SLC38A4: variants seen among roughly 807,000 people sequenced by gnomAD.
SLC38A4 encodes solute carrier family 38 member 4.
SLC38A4 carries 20 observed loss-of-function variants against 63.1 expected under a neutral mutation model. The observed-to-expected ratio is 0.32, with a 90% confidence interval of 0.22 to 0.46. The LOEUF is 0.46. Ranked by LOEUF, SLC38A4 falls within the 20% of genes least tolerant of loss-of-function variation. The pLI is 1.00. For missense variants in SLC38A4, 526 were observed against 663.6 expected, an observed-to-expected ratio of 0.79 and a Z score of 2.28; for synonymous variants, 230 against 225.5, an observed-to-expected ratio of 1.02 and a Z score of -0.18.
At position 46,778,544 on chromosome 12, in the gene SLC38A4, C is replaced by T; in HGVS notation, c.950G>A (p.Ser317Asn). 4 of 1,612,994 alleles carry T rather than the reference C, an allele frequency of 2.5e-6. No individual in the cohort carries two copies. The highest frequency in any genetic ancestry group is 3.4e-6 in the Non-Finnish European group (4 of 1,179,340). Reference protein sequence around the residue: ...HDSGVEYEAHSDDKCEPKYFV... With the variant: ...HDSGVEYEAHNDDKCEPKYFV... ...GTATTTGGGTTCACACTTGTCATCACTATGAGCTTCATATTCTACTCCACT... is the reference window on the plus strand; with the variant it reads ...GTATTTGGGTTCACACTTGTCATCATTATGAGCTTCATATTCTACTCCACT... Residue 317 changes from serine (S) to asparagine (N), a missense_variant, in exon 11 of 17, where the codon AGT becomes AAT. Transcript: ENST00000266579.
intron 3 of SLC38A4, among the ~76,000 whole-genome samples, chr12:46,791,806 A>T (rs1938894699): frequency 6.6e-6 from 1 of 152,038 alleles, no homozygotes; most frequent in African/African-American, 2.4e-5. Context: ...GGAGTAGAGT[A>T]ATTTGGAAAA....
chr12:46,824,401 G>A (rs779948577), intron 1 of SLC38A4: 5 of 152,058 alleles, frequency 3.3e-5, no homozygotes, highest in Non-Finnish European at 7.4e-5. Flanking sequence ...ACAAACAAAT[G>A]TCATTTTGAA....
intron 2 of SLC38A4, among the ~76,000 whole-genome samples, chr12:46,801,081 C>A (rs1300155980): frequency 2.0e-5 from 3 of 152,104 alleles, no homozygotes; most frequent in African/African-American, 7.2e-5. Flanking sequence ...GATTTTCTAG[C>A]ACAGCAGTGC....
intron 1 of SLC38A4, among the ~76,000 whole-genome samples, chr12:46,831,319 C>A (rs1002299598): frequency 1.3e-5 from 2 of 152,216 alleles, no homozygotes; most frequent in African/African-American, 4.8e-5. Context: ...TCCGGGTTCC[C>A]TCTCCCCCGT....
chr12:46,779,504 A>G (rs1938596105), intron 10 of SLC38A4, 107 bp downstream of exon 10: 1 of 841,212 alleles, frequency 1.2e-6, no homozygotes, highest in African/African-American at 1.7e-5. Flanking sequence ...GTGATACAAG[A>G]ACTATTTCAT....
chr12:46,806,980 T>G (rs1467167800), intron 1 of SLC38A4, among the ~76,000 whole-genome samples: 1 of 151,864 alleles, frequency 6.6e-6, no homozygotes, highest in Non-Finnish European at 1.5e-5. Flanking sequence ...GGGATCAAGT[T>G]AAAATTAGTC....
At chr12:46,823,038 T>C (rs1005857798) in intron 1 of SLC38A4, among the ~76,000 whole-genome samples, 1 of 152,178 alleles carries the variant, frequency 6.6e-6, no homozygotes, top group East Asian at 1.9e-4. Context: ...ATTACTTCCC[T>C]TCAAAGAAAA....
At chr12:46,812,049 T>C (rs1379501309) in intron 1 of SLC38A4, among the ~76,000 whole-genome samples, 1 of 152,012 alleles carries the variant, frequency 6.6e-6, no homozygotes, top group African/African-American at 2.4e-5. Context: ...AATGCTTAAG[T>C]TAATTATATA....
rs1181576169 is a variant in SLC38A4, at chr12:46,766,345, G to A, written c.*356C>T. The A allele has an allele frequency of 2.2e-6, 1 of 458,158 alleles. No individual in the cohort carries two copies. The highest frequency in any genetic ancestry group is 4.4e-6 in the Non-Finnish European group (1 of 228,578). The allele number at this position is 458,158 out of a possible 1,614,324, so 28.4% of individuals were successfully genotyped here. On this transcript the variant is annotated 3_prime_UTR_variant, in exon 17 of 17. Transcript: ENST00000266579. ...ATGCAAATGTTTGGTACTTTTTTAG[G>A]GGGTGCAGGATGAGGAGACGGCAGG...
In SLC38A4 at chr12:46,815,297, A is replaced by G. The variant is rs945250053; in HGVS notation, c.-305+10606T>C. On this transcript the variant is annotated intron_variant, in intron 1 of 16. Transcript: ENST00000266579. Reference sequence around the variant, plus strand: ...TATATATATATATACACACACACACACACACACACACAGAGATTGAGAATA... The same window carrying G: ...TATATATATATATACACACACACACGCACACACACACAGAGATTGAGAATA... Among the ~76,000 whole-genome samples, 13 of 147,912 alleles carry G rather than the reference A, an allele frequency of 8.8e-5. No individual in the cohort carries two copies. The South Asian group carries it at 2.8e-3, about 32-fold the overall frequency.
chr12:46,791,941 A>T (rs1268768046), intron 3 of SLC38A4, among the ~76,000 whole-genome samples: 1 of 152,126 alleles, frequency 6.6e-6, no homozygotes, highest in East Asian at 1.9e-4. Flanking sequence ...AACAAGTAAC[A>T]AATAGGGAGA....
intron 1 of SLC38A4, among the ~76,000 whole-genome samples, chr12:46,812,283 G>A (rs766283426): frequency 1.3e-5 from 2 of 151,956 alleles, no homozygotes; most frequent in East Asian, 3.9e-4. Context: ...AAAGGCTGAT[G>A]GCATTTCCTT....
At chr12:46,832,196 C>T (rs1939740567) in intron 1 of SLC38A4, 2 of 152,016 alleles carry the variant, frequency 1.3e-5, no homozygotes, top group African/African-American at 4.8e-5. Flanking sequence ...ATTGAGAGAC[C>T]GGGCTACACA....
At chr12:46,789,244 T>C (rs1392150439) in intron 3 of SLC38A4, among the ~76,000 whole-genome samples, 4 of 151,756 alleles carry the variant, frequency 2.6e-5, no homozygotes, top group Non-Finnish European at 5.9e-5. Flanking sequence ...TATACATACA[T>C]CTCTTACTGG....
upstream of SLC38A4, among the ~76,000 whole-genome samples, chr12:46,828,942 C>A (rs1405376533): frequency 6.6e-6 from 1 of 152,210 alleles, no homozygotes; most frequent in East Asian, 1.9e-4. Flanking sequence ...TTATGTAACA[C>A]ATTTCTAACA....
At chr12:46,789,853 G>T (rs1355102365) in intron 3 of SLC38A4, among the ~76,000 whole-genome samples, 1 of 152,114 alleles carries the variant, frequency 6.6e-6, no homozygotes, top group East Asian at 1.9e-4. Flanking sequence ...GAGGTGGGTG[G>T]ATAACTTGAG....
chr12:46,822,991 T>C (rs751417770), intron 1 of SLC38A4, among the ~76,000 whole-genome samples: 6 of 152,192 alleles, frequency 3.9e-5, no homozygotes, highest in African/African-American at 7.2e-5. Context: ...ACAATGCACA[T>C]AAGGCATTTC....
chr12:46,771,018 T>A (rs1938405985), intron 14 of SLC38A4, among the ~76,000 whole-genome samples: 1 of 152,146 alleles, frequency 6.6e-6, no homozygotes, highest in Non-Finnish European at 1.5e-5. Flanking sequence ...CTGTTTAGGC[T>A]GAAAAGGCAA....
At chr12:46,809,367 T>C (rs1395162955) in intron 1 of SLC38A4, among the ~76,000 whole-genome samples, 4 of 152,086 alleles carry the variant, frequency 2.6e-5, no homozygotes, top group African/African-American at 9.7e-5. Flanking sequence ...GAGAGAGAAA[T>C]AATAGTGTCA....
Sources: allele counts gnomAD v4.1 joint callset (sites outside exome capture counted in the v4.1 genomes callset), GRCh38; gene constraint gnomAD v4.1.1; transcripts MANE v1.5; gene names NCBI Gene and HGNC (gene_info 2026-07-23, HGNC 2026-07-21).